The following KCNIP4 variants were observed in gnomAD, a reference collection of about 807,000 sequenced individuals.
KCNIP4 encodes potassium voltage-gated channel interacting protein 4, also known as Kv channel-interacting protein 4.
KCNIP4 carries 12 observed loss-of-function variants against 34.0 expected under a neutral mutation model. The observed-to-expected ratio is 0.35, with a 90% CI of 0.23 to 0.57. The LOEUF is 0.57. Among genes scored for constraint, KCNIP4 ranks in the 20% least tolerant of loss-of-function variants. The pLI, the probability that KCNIP4 is intolerant of heterozygous loss-of-function variation, is 0.83. For synonymous variants in KCNIP4, 124 were observed against 102.2 expected, an observed-to-expected ratio of 1.21 and a Z score of -1.29; for missense variants, 238 against 311.7, an observed-to-expected ratio of 0.76 and a Z score of 1.78.
chr4:21,016,853 A>C (rs893462971), intron 1 of KCNIP4, among the ~76,000 whole-genome samples: 1 of 152,222 alleles, frequency 6.6e-6, no homozygotes, highest in Non-Finnish European at 1.5e-5. Context: ...GTAAAATATT[A>C]AAATTGGAAG....
intron 1 of KCNIP4, among the ~76,000 whole-genome samples, chr4:20,942,358 T>C (rs1323785146): frequency 6.6e-6 from 1 of 152,218 alleles, no homozygotes; most frequent in Non-Finnish European, 1.5e-5. Flanking sequence ...AGCCCAGGTC[T>C]CTCAGCTAGT....
intron 1 of KCNIP4, among the ~76,000 whole-genome samples, chr4:20,945,477 T>A (rs1253721592): frequency 6.6e-6 from 1 of 152,226 alleles, no homozygotes; most frequent in Admixed American, 6.5e-5. Flanking sequence ...CTTGTTGGTA[T>A]ACAATGTCAT....
chr4:21,104,051 C>G (rs201032876), intron 1 of KCNIP4, among the ~76,000 whole-genome samples: 43,946 of 151,608 alleles, frequency 0.29, 6,965 homozygotes, highest in African/African-American at 0.44. Flanking sequence ...ACATACATGT[C>G]CTTGTCTCTT....
At chr4:20,888,323 C>T (rs989204185) in intron 1 of KCNIP4, among the ~76,000 whole-genome samples, 1 of 152,000 alleles carries the variant, frequency 6.6e-6, no homozygotes, top group African/African-American at 2.4e-5. Context: ...ATAAAATGTT[C>T]AATCACTATC....
chr4:21,549,093 T>C (rs1435286586), intron 1 of KCNIP4, among the ~76,000 whole-genome samples: 1 of 151,930 alleles, frequency 6.6e-6, no homozygotes, highest in African/African-American at 2.4e-5. Flanking sequence ...AAAGCACTCC[T>C]AGTTGAGAAG....
intron 1 of KCNIP4, among the ~76,000 whole-genome samples, chr4:21,403,573 C>A (rs1278541155): frequency 6.6e-6 from 1 of 152,190 alleles, no homozygotes; most frequent in African/African-American, 2.4e-5. Flanking sequence ...CCACATGATC[C>A]ACTCTGCATC....
At chr4:20,908,615 A>ACC (rs1728028704) in intron 1 of KCNIP4, among the ~76,000 whole-genome samples, 1 of 152,216 alleles carries the variant, frequency 6.6e-6, no homozygotes, top group South Asian at 2.1e-4. Context: ...TCAAAAGAGA[A>ACC]CAGGTCAGGC....
intron 1 of KCNIP4, among the ~76,000 whole-genome samples, chr4:21,291,704 A>G (rs1222160089): frequency 6.6e-6 from 1 of 151,602 alleles, no homozygotes; most frequent in Non-Finnish European, 1.5e-5. Context: ...AAAAAAAAAA[A>G]TTAGCCAGGC....
At chr4:21,630,930 A>ACCATATGGGAGTAC (rs1745722854) in intron 1 of KCNIP4, among the ~76,000 whole-genome samples, 1 of 152,150 alleles carries the variant, frequency 6.6e-6, no homozygotes, top group East Asian at 1.9e-4. Flanking sequence ...TGTCTTGAAC[A>ACCATATGGGAGTAC]CCATATGGTA....
At chr4:21,651,153 G>C (rs567838033) in intron 1 of KCNIP4, among the ~76,000 whole-genome samples, 1 of 152,188 alleles carries the variant, frequency 6.6e-6, no homozygotes, top group South Asian at 2.1e-4. Context: ...TGGTATTATG[G>C]CATTGCATCA....
intron 1 of KCNIP4, among the ~76,000 whole-genome samples, chr4:21,057,916 ACT>A (rs1446099313): frequency 6.6e-6 from 1 of 152,184 alleles, no homozygotes; most frequent in Non-Finnish European, 1.5e-5. Context: ...AAAATGTCAC[ACT>A]GATTTCCAAA....
chr4:20,805,582 T>C (rs1463823369), intron 3 of KCNIP4, among the ~76,000 whole-genome samples: 3 of 152,192 alleles, frequency 2.0e-5, no homozygotes, highest in Non-Finnish European at 4.4e-5. Flanking sequence ...ACATTCAGCA[T>C]AGAGAAGAGT....
rs372056296 is a variant in KCNIP4, at chr4:21,870,337, CTAG to C, written c.61+78231_61+78233del. 2.2e-4 allele frequency among the ~76,000 whole-genome samples: 33 copies of C among 152,306 alleles called. No homozygotes were observed. In the East Asian group the frequency reaches 3.7e-3, roughly 17 times the overall value. Reference sequence around the variant, plus strand: ...TCAGCACTGAAAGCCCAGGAAACTACTAGTTATAAATTTCTGCCTTGTGGGGGC... The same window carrying C: ...TCAGCACTGAAAGCCCAGGAAACTACTTATAAATTTCTGCCTTGTGGGGGC... On this transcript the variant is annotated intron_variant, in intron 1 of 8. Coordinates refer to ENST00000382152, the MANE Select transcript of KCNIP4 (RefSeq NM_025221.6).
intron 1 of KCNIP4, among the ~76,000 whole-genome samples, chr4:21,201,720 G>C (rs141549231): frequency 6.6e-6 from 1 of 152,092 alleles, no homozygotes; most frequent in East Asian, 1.9e-4. Flanking sequence ...GGAAGGTTTC[G>C]ACCTCCTGAC....
intron 1 of KCNIP4, among the ~76,000 whole-genome samples, chr4:21,440,489 C>G (rs866617856): frequency 6.6e-6 from 1 of 152,194 alleles, no homozygotes; most frequent in Non-Finnish European, 1.5e-5. Flanking sequence ...TCTAGAGGAA[C>G]CTTAAACAAA....
intron 1 of KCNIP4, among the ~76,000 whole-genome samples, chr4:21,271,106 A>G (rs927883794): frequency 6.6e-6 from 1 of 152,130 alleles, no homozygotes; most frequent in Non-Finnish European, 1.5e-5. Flanking sequence ...AAAGAGAAGG[A>G]TCTTGGTCTA....
At chr4:20,986,039 C>T (rs11939392) in intron 1 of KCNIP4, among the ~76,000 whole-genome samples, 71,248 of 151,906 alleles carry the variant, frequency 0.47, 18,308 homozygotes, top group African/African-American at 0.68. Flanking sequence ...CTGCGGGGAG[C>T]TGAGCCCAGT....
At chr4:20,781,795 C>T (rs1035797378) in intron 3 of KCNIP4, among the ~76,000 whole-genome samples, 1 of 152,074 alleles carries the variant, frequency 6.6e-6, no homozygotes, top group Non-Finnish European at 1.5e-5. Flanking sequence ...AATCTCATGT[C>T]CTCACATTTC....
chr4:21,547,235 T>C (rs1738219140), intron 1 of KCNIP4, among the ~76,000 whole-genome samples: 1 of 152,066 alleles, frequency 6.6e-6, no homozygotes, highest in Non-Finnish European at 1.5e-5. Context: ...ATACTTGGAA[T>C]TGCAAGCCCA....
Sources: gnomAD v4.1 joint callset for allele counts (sites outside exome capture counted in the v4.1 genomes callset) on GRCh38, gnomAD v4.1.1 for gene constraint, MANE v1.5 for transcripts, NCBI Gene and HGNC (gene_info 2026-07-23, HGNC 2026-07-21) for gene names.